Variants in MBTD1 observed in about 807,000 individuals in gnomAD.
The protein encoded by MBTD1 is mbt domain containing 1.
In MBTD1, 24 loss-of-function variants were observed where a neutral mutation model predicts 87.8. The ratio of observed to expected loss-of-function variants is 0.27; its 90% confidence interval spans 0.20 to 0.38. The LOEUF is 0.38. Ranked by LOEUF, MBTD1 falls within the 10% of genes least tolerant of loss-of-function variation. The pLI is 1.00. For missense variants in MBTD1, 436 were observed against 760.2 expected (o/e 0.57, Z 5.02); for synonymous variants, 237 against 248.6 (o/e 0.95, Z 0.44).
Position 51,179,490 on chromosome 17 carries a change from A to ATATATATTTT in MBTD1, c.*1085_*1086insAAAATATATA, listed in dbSNP as rs2050208705. ...AATACAATTAAAGACAATTTTATAT[A>ATATATATTTT]TATATATATATATATATATATATAT... On this transcript the variant is annotated 3_prime_UTR_variant, in exon 17 of 17. Transcript: ENST00000586178. 8.5e-5 allele frequency: 2 copies of ATATATATTTT among 23,548 alleles called. No homozygotes were observed. Among genetic ancestry groups the ATATATATTTT allele is most frequent in the Non-Finnish European group, 1.8e-4 (2 of 11,156 alleles). 1.5% of individuals were successfully genotyped at this position (23,548 alleles called of 1,614,324 possible). A position where few individuals can be genotyped will look rare whatever the true frequency, so the allele number is the denominator to read the frequency against.
chr17:51,186,705 C>T (rs1414911002), intron 16 of MBTD1, among the ~76,000 whole-genome samples: 4 of 150,984 alleles, frequency 2.6e-5, no homozygotes, highest in Non-Finnish European at 3.0e-5. Flanking sequence ...ACCTGGGAGG[C>T]GGAGCTTGCA....
intron 11 of MBTD1, 133 bp from the exon 12 acceptor site, chr17:51,201,829 A>C (rs2051509542): frequency 2.7e-6 from 2 of 746,314 alleles, no homozygotes; most frequent in African/African-American, 3.6e-5. Context: ...ACTTCCATTA[A>C]GGTTTAGAGA....
chr17:51,203,707 A>T (rs2051631146), intron 8 of MBTD1, 84 bp downstream of exon 8: 2 of 1,453,898 alleles, frequency 1.4e-6, no homozygotes, highest in East Asian at 2.3e-5. Flanking sequence ...TTTAATTTCC[A>T]TATTACTCTA....
upstream of MBTD1, chr17:51,260,305 T>A (rs991059183): frequency 5.7e-6 from 3 of 527,652 alleles, no homozygotes; most frequent in Middle Eastern, 9.8e-4. Context: ...CCTTTCAATA[T>A]GTTGCAGCTG....
intron 2 of MBTD1, among the ~76,000 whole-genome samples, chr17:51,258,593 T>A (rs1260971122): frequency 6.6e-6 from 1 of 151,340 alleles, no homozygotes; most frequent in Non-Finnish European, 1.5e-5. Context: ...CAAATACGGG[T>A]GTGGGCGGTA....
At chr17:51,189,604 T>C (rs985591481) in intron 16 of MBTD1, among the ~76,000 whole-genome samples, 1 of 152,316 alleles carries the variant, frequency 6.6e-6, no homozygotes, top group Admixed American at 6.5e-5. Flanking sequence ...GCAAATGAAT[T>C]GTCTACATAA....
intron 2 of MBTD1, among the ~76,000 whole-genome samples, chr17:51,235,116 A>G (rs2053759372): frequency 6.6e-6 from 1 of 150,764 alleles, no homozygotes; most frequent in Non-Finnish European, 1.5e-5. Context: ...CTACAGAATA[A>G]ATATCATGAA....
chr17:51,181,020 TC>T (rs2050282650), intron 16 of MBTD1, among the ~76,000 whole-genome samples: 1 of 131,696 alleles, frequency 7.6e-6, no homozygotes, highest in East Asian at 2.1e-4. Context: ...TGAAGTACAA[TC>T]TTTTTTTTTT....
At chr17:51,181,312 A>G (rs1166827837) in intron 16 of MBTD1, among the ~76,000 whole-genome samples, 2 of 152,204 alleles carry the variant, frequency 1.3e-5, no homozygotes, top group Admixed American at 6.5e-5. Flanking sequence ...GGCGTGAGCC[A>G]CCGTGCCCGG....
intron 2 of MBTD1, among the ~76,000 whole-genome samples, chr17:51,229,108 C>T (rs1294280832): frequency 2.0e-5 from 3 of 152,170 alleles, no homozygotes; most frequent in Admixed American, 6.5e-5. Flanking sequence ...GGCTGGAGGA[C>T]TGCCTGAGCC....
chr17:51,181,149 C>T (rs1268709752), intron 16 of MBTD1, among the ~76,000 whole-genome samples: 1 of 151,856 alleles, frequency 6.6e-6, no homozygotes, highest in Non-Finnish European at 1.5e-5. Context: ...GCACCGCCCC[C>T]CCAAGTAGGT....
intron 6 of MBTD1, among the ~76,000 whole-genome samples, chr17:51,216,085 T>C (rs755184528): frequency 9.2e-5 from 14 of 151,868 alleles, no homozygotes; most frequent in Non-Finnish European, 1.0e-4. Flanking sequence ...GTGCCCACCA[T>C]CACCCCTGGC....
intron 16 of MBTD1, 127 bp from the exon 17 acceptor site, chr17:51,180,821 T>A (rs2050272577): frequency 1.5e-6 from 1 of 662,896 alleles, no homozygotes; most frequent in Non-Finnish European, 2.7e-6. Context: ...TAATTTTAAT[T>A]TTCCAGTATA....
rs960952801 is a variant in MBTD1 at position 51,178,394 on chromosome 17, T to A, written c.*2182A>T. The A allele has an allele frequency of 2.6e-5, 4 of 152,218 alleles. No homozygotes were observed. Among genetic ancestry groups the A allele is most frequent in the Admixed American group, 2.6e-4 (4 of 15,276 alleles). 9.4% of individuals were successfully genotyped at this position (152,218 alleles called of 1,614,324 possible). On this transcript the variant is annotated 3_prime_UTR_variant, in exon 17 of 17. Coordinates refer to ENST00000586178, the MANE Select transcript of MBTD1 (RefSeq NM_017643.3). ...TAAAACACTCAGAGCCTGGGTTTGC[T>A]ATAGAATTGGAAGCTTATGAAACCT...
Position 51,218,997 on chromosome 17 carries a change from T to C in MBTD1, c.336A>G (p.Leu112=). The C allele has an allele frequency of 6.4e-7, 1 of 1,551,412 alleles. No individual in the cohort carries two copies. The highest frequency in any genetic ancestry group is 8.7e-7 in the Non-Finnish European group (1 of 1,146,782). The change falls in exon 5 of 17, where the codon TTA becomes TTG. Residue 112 remains leucine, a synonymous_variant. Transcript: ENST00000586178. The part of the protein sequence containing the change: ...KKAKVLQKQP[L]VAKLAAYAQY... ...GAGCATATGCGGCTAGCTTAGCAAC[T>C]AAAGGTTGTTTCTGAAGAACTTTTG... is the stretch of plus-strand genomic sequence containing the variant.
intron 2 of MBTD1, among the ~76,000 whole-genome samples, chr17:51,236,364 G>A (rs1418536640): frequency 6.6e-6 from 1 of 152,118 alleles, no homozygotes; most frequent in Admixed American, 6.5e-5. Flanking sequence ...TCCTGCCTCA[G>A]CCTCCTGAGT....
At chr17:51,239,880 T>G (rs1458049935) in intron 2 of MBTD1, among the ~76,000 whole-genome samples, 1 of 152,160 alleles carries the variant, frequency 6.6e-6, no homozygotes, top group Non-Finnish European at 1.5e-5. Flanking sequence ...TTCAAGAAAT[T>G]TAACATTAAC....
chr17:51,234,095 A>G (rs1418835218), intron 2 of MBTD1, among the ~76,000 whole-genome samples: 1 of 152,198 alleles, frequency 6.6e-6, no homozygotes, highest in East Asian at 1.9e-4. Context: ...ATCATAAATG[A>G]AAGAAGTAAC....
chr17:51,191,944 A>G (rs540256922), intron 16 of MBTD1: 1 of 409,524 alleles, frequency 2.4e-6, no homozygotes, highest in South Asian at 3.5e-5. Flanking sequence ...TTTACATATT[A>G]TTTCAAGAAT....
Sources: allele counts gnomAD v4.1 joint callset (sites outside exome capture counted in the v4.1 genomes callset), GRCh38; gene constraint gnomAD v4.1.1; transcripts MANE v1.5; gene names NCBI Gene and HGNC (gene_info 2026-07-23, HGNC 2026-07-21).